The following WDFY3 variants were observed in gnomAD, a reference collection of about 807,000 sequenced individuals.
WDFY3 encodes WD repeat and FYVE domain containing 3.
WDFY3 carries 66 observed loss-of-function variants against 409.6 expected under a neutral mutation model. That is an observed-to-expected ratio of 0.16 (90% CI 0.13 to 0.20). The LOEUF is 0.20. Ranked by LOEUF, WDFY3 falls within the 10% of genes least tolerant of loss-of-function variation. WDFY3 has a pLI of 1.00. For synonymous variants in WDFY3, 1,521 were observed against 1,537.1 expected (o/e 0.99, Z 0.25); for missense variants, 3,031 against 4,298.1 (o/e 0.71, Z 8.24).
intron 3 of WDFY3, among the ~76,000 whole-genome samples, chr4:84,883,882 G>A (rs1440958836): frequency 6.6e-6 from 1 of 152,016 alleles, no homozygotes; most frequent in East Asian, 1.9e-4. Flanking sequence ...TGAAATAAAT[G>A]TTTCCATATA....
At position 84,797,980 on chromosome 4, in the gene WDFY3, G is replaced by A; in HGVS notation, c.2935+16C>T. ...CATTCATAAAATAAATCAAAAAAGG[G>A]AATTTCAAAACTTACTTCTCATTTC... On this transcript the variant is annotated intron_variant, in intron 18 of 67. Transcript: ENST00000295888. The A allele has an allele frequency of 6.4e-7, 1 of 1,571,332 alleles. No individual in the cohort carries two copies. Among genetic ancestry groups the A allele is most frequent in the Non-Finnish European group, 8.7e-7 (1 of 1,153,692 alleles).
At chr4:84,846,965 T>C (rs1046938468) in intron 5 of WDFY3, among the ~76,000 whole-genome samples, 2 of 151,980 alleles carry the variant, frequency 1.3e-5, no homozygotes, top group Non-Finnish European at 2.9e-5. Context: ...GTGGAAAATA[T>C]GTTCAAGAGC....
chr4:84,821,606 G>T (rs997813332), intron 10 of WDFY3, 55 bp from the exon 11 acceptor site: 125 of 1,404,778 alleles, frequency 8.9e-5, no homozygotes, highest in Non-Finnish European at 1.2e-4. Context: ...TTTAATGATG[G>T]CAAACTAGTC....
intron 55 of WDFY3, 71 bp from the exon 56 acceptor site, chr4:84,702,577 G>A: frequency 2.2e-6 from 3 of 1,339,604 alleles, no homozygotes; most frequent in Non-Finnish European, 3.0e-6. Context: ...AAGTTCAAGA[G>A]CTTGAAAACT....
chr4:84,726,945 A>G lies in WDFY3; in HGVS notation c.7222-34T>C, dbSNP rs1458275040. 4 of 1,534,062 alleles carry G rather than the reference A, an allele frequency of 2.6e-6. No homozygotes were observed. In the African/African-American group the frequency reaches 4.3e-5, roughly 16 times the overall value. Reference sequence around the variant, plus strand: ...AGGGTATTAAGTATAGACATATCAGAAAAAAAAACATAAAGAGGAACACAA... The same window carrying G: ...AGGGTATTAAGTATAGACATATCAGGAAAAAAAACATAAAGAGGAACACAA... On this transcript the variant is annotated intron_variant, in intron 44 of 67. Transcript: ENST00000295888.
rs563949569 is a variant in WDFY3, at chr4:84,670,273, T to G, written c.*2595A>C. ...CAGGCAGGAGCCCTATGAGGTACTC[T>G]CAGAAAAAGAATGCAGACCATACTA... On this transcript the variant is annotated 3_prime_UTR_variant, in exon 68 of 68. Transcript: ENST00000295888. 6.5e-6 allele frequency: 1 copy of G among 152,760 alleles called. No homozygotes were observed. Among genetic ancestry groups the G allele is most frequent in the East Asian group, 1.9e-4 (1 of 5,184 alleles). 9.5% of individuals were successfully genotyped at this position (152,760 alleles called of 1,614,324 possible).
intron 21 of WDFY3, among the ~76,000 whole-genome samples, chr4:84,793,403 C>T (rs577177944): frequency 1.3e-5 from 2 of 152,196 alleles, no homozygotes; most frequent in South Asian, 4.1e-4. Flanking sequence ...AATATGAGGA[C>T]ATAGCTTGGG....
intron 1 of WDFY3, among the ~76,000 whole-genome samples, chr4:84,942,609 T>C (rs1240938123): frequency 6.6e-6 from 1 of 152,238 alleles, no homozygotes; most frequent in African/African-American, 2.4e-5. Flanking sequence ...AAAATGGCTA[T>C]ACCATTTCAC....
intron 40 of WDFY3, 32 bp from the exon 41 acceptor site, chr4:84,737,398 G>C: frequency 6.6e-7 from 1 of 1,517,626 alleles, no homozygotes; most frequent in Non-Finnish European, 8.8e-7. Flanking sequence ...AAACAAAAAA[G>C]TAAGCAAATG....
chr4:84,772,409 T>G (rs1343477814), intron 30 of WDFY3, among the ~76,000 whole-genome samples: 1 of 152,186 alleles, frequency 6.6e-6, no homozygotes, highest in Non-Finnish European at 1.5e-5. Flanking sequence ...TATGTTATTT[T>G]TCTCAGTGAC....
intron 2 of WDFY3, among the ~76,000 whole-genome samples, chr4:84,916,066 G>A (rs1230161529): frequency 6.6e-6 from 1 of 152,146 alleles, no homozygotes; most frequent in African/African-American, 2.4e-5. Flanking sequence ...AAAATATCAT[G>A]TTTTATCACA....
At chr4:84,803,826 T>A (rs192838045) in intron 15 of WDFY3, 1 of 164,408 alleles carries the variant, frequency 6.1e-6, no homozygotes, top group African/African-American at 2.4e-5. Context: ...CAATAATACG[T>A]GATGAGAGAT....
chr4:84,951,551 T>C (rs1773612175), intron 1 of WDFY3, among the ~76,000 whole-genome samples: 1 of 152,226 alleles, frequency 6.6e-6, no homozygotes, highest in Non-Finnish European at 1.5e-5. Flanking sequence ...TACTTAGAAG[T>C]ATGATATATA....
chr4:84,959,057 CTTG>C (rs1380633721), intron 1 of WDFY3, among the ~76,000 whole-genome samples: 1 of 152,042 alleles, frequency 6.6e-6, no homozygotes, highest in Non-Finnish European at 1.5e-5. Context: ...AATAGTAATA[CTTG>C]TTATCTACTC....
rs188053586 is a variant in WDFY3, at chr4:84,702,818, C to A, written c.8443-312G>T. ...GGCTGTAAGAAATATGAGTTCTGGC[C>A]GGGCGCGGCGGCTCACGCCTGTAAT... On this transcript the variant is annotated intron_variant, in intron 55 of 67. Transcript: ENST00000295888. Among the ~76,000 whole-genome samples the A allele has an allele frequency of 2.4e-3, 365 of 152,220 alleles. 1 individual carries two copies. Among genetic ancestry groups the A allele is most frequent in the Non-Finnish European group, 4.2e-3 (287 of 68,010 alleles).
intron 24 of WDFY3, among the ~76,000 whole-genome samples, chr4:84,784,479 T>C (rs1747113919): frequency 6.6e-6 from 1 of 152,076 alleles, no homozygotes; most frequent in Non-Finnish European, 1.5e-5. Context: ...CCTGGAGTCC[T>C]TAACTCTCTC....
At chr4:84,920,533 A>C (rs1769134526) in intron 2 of WDFY3, among the ~76,000 whole-genome samples, 1 of 152,224 alleles carries the variant, frequency 6.6e-6, no homozygotes, top group Admixed American at 6.5e-5. Context: ...AATGGCTAAC[A>C]ATAGATGAAT....
Position 84,765,916 on chromosome 4 carries a change from T to G in WDFY3, c.5082A>C (p.Leu1694=). The part of the protein sequence containing the change: ...VTAAMRILVV[L]LSNQSILIKF... ...TGATGAGAATAGACTGATTACTTAG[T>G]AGGACAACAAGAATCCTCATGGCTG... Residue 1694 remains leucine (L), a synonymous_variant, in exon 32 of 68, where the codon CTA becomes CTC. Coordinates refer to ENST00000295888, the MANE Select transcript of WDFY3 (RefSeq NM_014991.6). 2 of 1,614,006 alleles carry G rather than the reference T, an allele frequency of 1.2e-6. No homozygotes were observed. The highest frequency in any genetic ancestry group is 8.5e-7 in the Non-Finnish European group (1 of 1,179,956).
chr4:84,710,005 A>G (rs1204521575), intron 51 of WDFY3, among the ~76,000 whole-genome samples: 1 of 152,206 alleles, frequency 6.6e-6, no homozygotes. Context: ...TACAGGCATA[A>G]GCCACAGTGC....
Sources: gnomAD v4.1 joint callset for allele counts (sites outside exome capture counted in the v4.1 genomes callset) on GRCh38, gnomAD v4.1.1 for gene constraint, MANE v1.5 for transcripts, NCBI Gene and HGNC (gene_info 2026-07-23, HGNC 2026-07-21) for gene names.